AGBL4: variants seen among roughly 807,000 people sequenced by gnomAD.
AGBL4 encodes the protein cytosolic carboxypeptidase 6.
A neutral mutation model predicts 66.4 loss-of-function variants in AGBL4; 58 were observed. That is an observed-to-expected ratio of 0.87 (90% CI 0.71 to 1.09). The LOEUF (loss-of-function observed/expected upper bound fraction) is 1.09. Among genes scored for constraint, AGBL4 ranks in the 50% least tolerant of loss-of-function variants. AGBL4 has a pLI of 0.00. For synonymous variants in AGBL4, 234 were observed against 222.9 expected (o/e 1.05, Z -0.44); for missense variants, 579 against 631.0 (o/e 0.92, Z 0.88).
chr1:48,867,112 G>C, intron 6 of AGBL4, 79 bp downstream of exon 6: 1 of 1,498,268 alleles, frequency 6.7e-7, no homozygotes, highest in African/African-American at 1.4e-5. Context: ...AGAAGGGCAA[G>C]AATTGCATTT....
At chr1:49,022,659 T>G (rs1663340169) in intron 5 of AGBL4, among the ~76,000 whole-genome samples, 1 of 152,014 alleles carries the variant, frequency 6.6e-6, no homozygotes, top group South Asian at 2.1e-4. Flanking sequence ...CCTGTAACCT[T>G]CTCCTCAATT....
intron 1 of AGBL4, among the ~76,000 whole-genome samples, chr1:49,900,476 C>G (rs994219238): frequency 2.6e-5 from 4 of 152,046 alleles, no homozygotes; most frequent in Admixed American, 6.6e-5. Context: ...AACTCCTGAC[C>G]TCAGGTGATC....
intron 3 of AGBL4, among the ~76,000 whole-genome samples, chr1:49,301,669 T>C (rs1479750961): frequency 6.6e-6 from 1 of 152,188 alleles, no homozygotes; most frequent in Non-Finnish European, 1.5e-5. Context: ...GGGAACAAGA[T>C]TTGTAAACTT....
rs918565681 is a variant in AGBL4, at chr1:49,387,884, A to T, written c.283-142020T>A. Among the ~76,000 whole-genome samples the T allele has an allele frequency of 2.0e-5, 3 of 152,034 alleles. No individual in the cohort carries two copies. The South Asian group carries it at 6.2e-4, about 31-fold the overall frequency. ...ACTACAAGAGGTAAGGCAGCTTCAT[A>T]AAAGGAACATGAATTTTGGAATCAG... On this transcript the variant is annotated intron_variant, in intron 3 of 13. Transcript: ENST00000371839.
intron 3 of AGBL4, among the ~76,000 whole-genome samples, chr1:49,660,344 GA>G (rs1646244136): frequency 6.6e-6 from 1 of 152,002 alleles, no homozygotes. Context: ...CAACAAACAT[GA>G]AAAAAAGCTT....
chr1:48,892,991 T>C (rs1316618214), intron 5 of AGBL4, among the ~76,000 whole-genome samples: 1 of 152,170 alleles, frequency 6.6e-6, no homozygotes, highest in Non-Finnish European at 1.5e-5. Flanking sequence ...CCCTTCAAAA[T>C]ACACACACCT....
chr1:49,878,676 C>T (rs1647108138), intron 1 of AGBL4, among the ~76,000 whole-genome samples: 1 of 151,646 alleles, frequency 6.6e-6, no homozygotes, highest in African/African-American at 2.4e-5. Flanking sequence ...TCTATTAGGT[C>T]CACTTGGTGC....
chr1:49,111,082 T>C (rs1645397227), intron 4 of AGBL4, among the ~76,000 whole-genome samples: 1 of 151,916 alleles, frequency 6.6e-6, no homozygotes, highest in Non-Finnish European at 1.5e-5. Context: ...TAACTTCATC[T>C]TCTATTACAT....
At chr1:49,506,136 G>A (rs1648660758) in intron 3 of AGBL4, among the ~76,000 whole-genome samples, 1 of 151,868 alleles carries the variant, frequency 6.6e-6, no homozygotes, top group Non-Finnish European at 1.5e-5. Flanking sequence ...ATCTATTAGA[G>A]GGGTCAGCGA....
At chr1:49,499,224 C>T (rs1374266130) in intron 3 of AGBL4, among the ~76,000 whole-genome samples, 2 of 151,942 alleles carry the variant, frequency 1.3e-5, no homozygotes, top group African/African-American at 2.4e-5. Context: ...CTCCTTCAAT[C>T]TCCTTTCTCA....
chr1:49,153,685 T>C (rs1158469681), intron 4 of AGBL4, among the ~76,000 whole-genome samples: 1 of 151,476 alleles, frequency 6.6e-6, no homozygotes, highest in East Asian at 1.9e-4. Flanking sequence ...TCTTCTCTAA[T>C]GTAAAATGAA....
At chr1:48,877,457 A>G (rs1203222787) in intron 5 of AGBL4, among the ~76,000 whole-genome samples, 1 of 152,126 alleles carries the variant, frequency 6.6e-6, no homozygotes, top group Non-Finnish European at 1.5e-5. Context: ...ACATAGTCTT[A>G]AGACTATCAG....
chr1:48,787,618 T>C (rs1645440443), intron 6 of AGBL4, among the ~76,000 whole-genome samples: 2 of 152,216 alleles, frequency 1.3e-5, no homozygotes, highest in African/African-American at 4.8e-5. Flanking sequence ...GTTCTTTTCA[T>C]AGATTCTTTT....
intron 2 of AGBL4, among the ~76,000 whole-genome samples, chr1:49,832,259 T>C (rs1337602430): frequency 6.6e-6 from 1 of 151,538 alleles, no homozygotes; most frequent in South Asian, 2.1e-4. Context: ...TGGTTTTTTG[T>C]TCTTGCGATA....
chr1:49,144,991 G>A (rs1557677830), intron 4 of AGBL4, among the ~76,000 whole-genome samples: 1 of 152,114 alleles, frequency 6.6e-6, no homozygotes, highest in African/African-American at 2.4e-5. Context: ...AGTTGCTGGA[G>A]CTAAGGTAAG....
chr1:49,687,239 G>T (rs1431774141), intron 3 of AGBL4, among the ~76,000 whole-genome samples: 1 of 152,144 alleles, frequency 6.6e-6, no homozygotes. Flanking sequence ...ACCACAGTTG[G>T]AAGACAACTG....
At chr1:48,944,183 G>C (rs1366064137) in intron 5 of AGBL4, among the ~76,000 whole-genome samples, 5 of 152,310 alleles carry the variant, frequency 3.3e-5, no homozygotes, top group Non-Finnish European at 4.4e-5. Context: ...CTCAGATGGT[G>C]GTGGGGTGGC....
At chr1:49,713,251 G>T (rs1292563568) in intron 2 of AGBL4, among the ~76,000 whole-genome samples, 1 of 151,880 alleles carries the variant, frequency 6.6e-6, no homozygotes, top group African/African-American at 2.4e-5. Flanking sequence ...ATATCCTATG[G>T]ATTTCATTTT....
chr1:48,861,620 T>C (rs981143431), intron 6 of AGBL4, among the ~76,000 whole-genome samples: 13 of 152,240 alleles, frequency 8.5e-5, no homozygotes, highest in African/African-American at 3.1e-4. Context: ...CTGTGAATTC[T>C]ACTGCTGTTG....
Sources: allele counts gnomAD v4.1 joint callset (sites outside exome capture counted in the v4.1 genomes callset), GRCh38; gene constraint gnomAD v4.1.1; transcripts MANE v1.5; gene names NCBI Gene and HGNC (gene_info 2026-07-23, HGNC 2026-07-21).